Variants in IL17REL observed in about 807,000 individuals in gnomAD.
IL17REL encodes interleukin-17 receptor E-like protein.
In IL17REL, 36 loss-of-function variants were observed where a neutral mutation model predicts 49.0. The observed-to-expected ratio is 0.73, with a 90% CI of 0.56 to 0.97. The LOEUF is 0.97. Among genes scored for constraint, IL17REL ranks in the 50% least tolerant of loss-of-function variants. The pLI is 0.00. For synonymous variants in IL17REL, 206 were observed against 192.4 expected (o/e 1.07, Z -0.58); for missense variants, 470 against 453.9 (o/e 1.04, Z -0.32).
rs748050639 is a variant in IL17REL, at chr22:50,000,583, G to A, written c.229C>T (p.His77Tyr). Residue 77 changes from histidine to tyrosine, a missense_variant, in exon 4 of 13, where the codon CAC becomes TAC. Physicochemically the swap from His to Tyr is moderately conservative, Grantham distance 83. Coordinates refer to ENST00000341280, the Ensembl canonical transcript of IL17REL. ...ACGCTCACCGCAAAGCAGCCAAAGT[G>A]CACTTGGAGCTGAGCAGGTGCAGGT... The A allele has an allele frequency of 7.4e-6, 12 of 1,613,234 alleles. No individual in the cohort carries two copies. The Admixed American group carries it at 2.0e-4, about 27-fold the overall frequency.
chr22:50,006,717 G>A (rs2061112274), intron 1 of IL17REL, among the ~76,000 whole-genome samples: 1 of 152,116 alleles, frequency 6.6e-6, no homozygotes, highest in Non-Finnish European at 1.5e-5. Context: ...ACTTTGGGAG[G>A]CCGAGGCGGG....
At chr22:49,999,497 G>C (rs1460721291) in exon 6 of IL17REL, 2 of 1,605,648 alleles carry the variant, frequency 1.2e-6, no homozygotes, top group Non-Finnish European at 8.5e-7. Flanking sequence ...CGCTGTTGGC[G>C]GTCACCTGCA....
chr22:49,999,585 C>A, intron 5 of IL17REL, 83 bp from the exon 8 acceptor site: 1 of 552,590 alleles, frequency 1.8e-6, no homozygotes, highest in South Asian at 1.8e-5. Context: ...CCGAACGGGG[C>A]GGGAGCGGGG....
At chr22:50,000,023 C>T (rs894160284) in intron 4 of IL17REL, 56 bp from the exon 7 acceptor site, 1 of 1,417,086 alleles carries the variant, frequency 7.1e-7, no homozygotes, top group Non-Finnish European at 9.3e-7. Flanking sequence ...CGACGCGGGG[C>T]TCTGTCTGTC....
intron 4 of IL17REL, 41 bp downstream of exon 5, chr22:50,000,437 G>A (rs755543382): frequency 3.1e-5 from 46 of 1,480,356 alleles, no homozygotes; most frequent in Admixed American, 8.4e-5. Context: ...GGCCCTGGAG[G>A]CTGAACGGTA....
upstream of IL17REL, among the ~76,000 whole-genome samples, chr22:50,010,678 G>GC (rs1197678541): frequency 6.6e-6 from 1 of 152,204 alleles, no homozygotes; most frequent in East Asian, 1.9e-4. Context: ...CCCAGGGCTG[G>GC]CCCCGTGGCC....
At chr22:49,996,067 G>C (rs1184853422) in exon 13 of IL17REL, 1 of 152,586 alleles carries the variant, frequency 6.6e-6, no homozygotes, top group South Asian at 2.1e-4. Context: ...GAAGGTCTGC[G>C]GGTACTGCCA....
chr22:49,996,984 C>G lies in IL17REL; in HGVS notation c.*44+10G>C. 7.0e-7 allele frequency: 1 copy of G among 1,432,382 alleles called. No individual in the cohort carries two copies. The highest frequency in any genetic ancestry group is 1.3e-5 in the South Asian group (1 of 75,876). 88.7% of individuals were successfully genotyped at this position (1,432,382 alleles called of 1,614,324 possible). On this transcript the variant is annotated intron_variant, in intron 12 of 12. Transcript: ENST00000341280. ...GATGGCTAGGGGCTGGGCACAGCAG[C>G]GACACCCACCTGGATGCAGATGCCT...
At chr22:50,001,818 G>A (rs2061081812) in intron 1 of IL17REL, among the ~76,000 whole-genome samples, 2 of 152,216 alleles carry the variant, frequency 1.3e-5, no homozygotes, top group Admixed American at 6.5e-5. Flanking sequence ...GTTTGCAGGT[G>A]GGACTCAGAG....
At chr22:49,999,481 G>T in exon 6 of IL17REL, 1 of 1,609,356 alleles carries the variant, frequency 6.2e-7, no homozygotes. Context: ...AAGACGGCCT[G>T]GGAGACGCTG....
intron 1 of IL17REL, among the ~76,000 whole-genome samples, chr22:50,005,762 G>T (rs1202356214): frequency 6.6e-6 from 1 of 151,828 alleles, no homozygotes; most frequent in Non-Finnish European, 1.5e-5. Flanking sequence ...CCGAGATTGC[G>T]CCACTGTACT....
intron 1 of IL17REL, among the ~76,000 whole-genome samples, chr22:50,005,499 CTG>C (rs1399178989): frequency 6.6e-6 from 1 of 152,074 alleles, no homozygotes; most frequent in Non-Finnish European, 1.5e-5. Context: ...GAGGACAACT[CTG>C]TGTGTTTAAA....
exon 5 of IL17REL, chr22:49,999,892 G>C (rs2061067472): frequency 1.3e-6 from 2 of 1,542,644 alleles, no homozygotes; most frequent in East Asian, 2.5e-5. Context: ...GTAGTAGTCG[G>C]GGCTCCCGGA....
At chr22:50,001,699 C>A (rs559398510) in intron 1 of IL17REL, among the ~76,000 whole-genome samples, 1 of 152,354 alleles carries the variant, frequency 6.6e-6, no homozygotes, top group East Asian at 1.9e-4. Context: ...GAGGACTTGC[C>A]CCCAGGGCCT....
rs1480561510 is a variant in IL17REL at position 49,999,418 on chromosome 22, C to T, written c.546+13G>A. On this transcript the variant is annotated intron_variant, in intron 6 of 12. Transcript: ENST00000341280. Reference sequence around the variant, plus strand: ...CCTCACCCGCCCCAAGTCCAGGCCACACCTCCACCGACCTCCAGGCACAGG... The same window carrying T: ...CCTCACCCGCCCCAAGTCCAGGCCATACCTCCACCGACCTCCAGGCACAGG... 4 of 1,612,626 alleles carry T rather than the reference C, an allele frequency of 2.5e-6. No individual in the cohort carries two copies. The highest frequency in any genetic ancestry group is 3.4e-6 in the Non-Finnish European group (4 of 1,179,850).
chr22:49,992,720 C>T (rs200125269), downstream of IL17REL, among the ~76,000 whole-genome samples: 10 of 152,362 alleles, frequency 6.6e-5, no homozygotes, highest in East Asian at 1.2e-3. Flanking sequence ...TGGGTTCAAG[C>T]GATTCTCCTG....
At chr22:50,002,881 A>G (rs1295186072) in intron 1 of IL17REL, among the ~76,000 whole-genome samples, 1 of 152,228 alleles carries the variant, frequency 6.6e-6, no homozygotes, top group Non-Finnish European at 1.5e-5. Flanking sequence ...CAGCTGGGAA[A>G]CCAAGGCAAA....
chr22:50,004,942 C>T (rs1601890971), intron 1 of IL17REL, among the ~76,000 whole-genome samples: 1 of 116,980 alleles, frequency 8.5e-6, no homozygotes, highest in Admixed American at 9.6e-5. Flanking sequence ...TTATTCCAGG[C>T]AACCAAGAAA....
chr22:50,001,257 C>T lies in IL17REL; in HGVS notation c.-41-26G>A, dbSNP rs2061078638. On this transcript the variant is annotated intron_variant, in intron 1 of 12. Transcript: ENST00000341280. ...CTGGGGAGGGAGAAGGAGCGTGAGG[C>T]CTCGAGTTCCCTGGTGCTCGGAAAG... 9 of 986,158 alleles carry T rather than the reference C, an allele frequency of 9.1e-6. No homozygotes were observed. In the East Asian group the frequency reaches 2.1e-4, roughly 23 times the overall value. 61.1% of individuals were successfully genotyped at this position (986,158 alleles called of 1,614,324 possible).
Sources: gnomAD v4.1 joint callset for allele counts (sites outside exome capture counted in the v4.1 genomes callset) on GRCh38, gnomAD v4.1.1 for gene constraint, MANE v1.5 for transcripts, NCBI Gene and HGNC (gene_info 2026-07-23, HGNC 2026-07-21) for gene names.